The following DPH6 variants were observed in gnomAD, a reference collection of about 807,000 sequenced individuals.
DPH6 encodes diphthamine biosynthesis 6, also known as diphthine--ammonia ligase.
Under a neutral mutation model 38.2 loss-of-function variants are expected in DPH6, and 33 were observed. The ratio of observed to expected loss-of-function variants is 0.86; its 90% CI spans 0.65 to 1.15. The LOEUF is 1.15. DPH6 is among the 50% of genes most tolerant of loss of function. The pLI is 0.00. For synonymous variants in DPH6, 108 were observed against 103.0 expected (o/e 1.05, Z -0.30); for missense variants, 325 against 320.0 (o/e 1.02, Z -0.12).
intron 3 of DPH6, among the ~76,000 whole-genome samples, chr15:35,459,351 C>G (rs969149448): frequency 3.9e-5 from 6 of 152,132 alleles, no homozygotes; most frequent in African/African-American, 1.4e-4. Context: ...TACAAGGATA[C>G]TAATTCTATC....
chr15:35,200,670 G>C, the DPH6 span, among the ~76,000 whole-genome samples: 1 of 151,534 alleles, frequency 6.6e-6, no homozygotes, highest in African/African-American at 2.4e-5. Context: ...AGGAAGAAAA[G>C]GAAAGTCTTC....
chr15:35,324,675 A>G (rs1263732098), intron 3 of DPH6, among the ~76,000 whole-genome samples: 2 of 152,190 alleles, frequency 1.3e-5, no homozygotes, highest in Non-Finnish European at 2.9e-5. Flanking sequence ...GCTTATCCAT[A>G]AATATAAACC....
At chr15:35,382,036 G>A (rs1281911239) in intron 6 of DPH6, 120 bp from the exon 7 acceptor site, 4 of 711,010 alleles carry the variant, frequency 5.6e-6, no homozygotes, top group Non-Finnish European at 9.5e-6. Context: ...AGTTTGCAAG[G>A]TAAGGAAAAT....
chr15:35,538,389 G>A lies in DPH6; in HGVS notation c.197C>T (p.Ala66Val). 1 of 1,610,918 alleles carries A rather than the reference G, an allele frequency of 6.2e-7. No individual in the cohort carries two copies. Among genetic ancestry groups the A allele is most frequent in the South Asian group, 1.1e-5 (1 of 90,694 alleles). Residue 66 changes from alanine (A) to valine (V), a missense_variant, in exon 3 of 9, where the codon GCT (alanine) becomes GTT (valine). Coordinates refer to ENST00000256538, the MANE Select transcript of DPH6 (RefSeq NM_080650.4). ...HAIDLYAEAMALPLYRRTIRG... is the reference protein window; with the variant it reads ...HAIDLYAEAMVLPLYRRTIRG... Reference sequence around the variant, plus strand: ...TATGGTTCGGCGATAGAGGGGAAGAGCCATTGCTTCTGCATACAAGTCAAT... The same window carrying A: ...TATGGTTCGGCGATAGAGGGGAAGAACCATTGCTTCTGCATACAAGTCAAT...
the DPH6 span, among the ~76,000 whole-genome samples, chr15:35,202,556 G>A: frequency 1.3e-5 from 2 of 151,694 alleles, no homozygotes; most frequent in Non-Finnish European, 3.0e-5. Context: ...TATTACACCT[G>A]TAACATTGAC....
intron 3 of DPH6, chr15:35,489,479 C>T (rs543257170): frequency 1.0e-6 from 1 of 982,422 alleles, no homozygotes; most frequent in African/African-American, 1.7e-5. Context: ...GCATATTAGG[C>T]ATATAATAAA....
At chr15:35,520,694 C>T in intron 3 of DPH6, 3 of 984,968 alleles carry the variant, frequency 3.0e-6, no homozygotes, top group Non-Finnish European at 3.6e-6. Flanking sequence ...TGCTGAACCT[C>T]TGTAGAAACA....
At chr15:35,203,964 G>C in the DPH6 span, among the ~76,000 whole-genome samples, 13 of 151,520 alleles carry the variant, frequency 8.6e-5, no homozygotes, top group African/African-American at 2.9e-4. Flanking sequence ...TAAAAAGGAG[G>C]CCTGTTTTCA....
downstream of DPH6, among the ~76,000 whole-genome samples, chr15:35,330,234 A>G (rs2052317079): frequency 6.6e-6 from 1 of 152,168 alleles, no homozygotes. Context: ...CCAAATGTGA[A>G]GATTTTATGG....
chr15:35,364,774 G>GT (rs2052642902), intron 3 of DPH6, among the ~76,000 whole-genome samples: 1 of 151,626 alleles, frequency 6.6e-6, no homozygotes, highest in Non-Finnish European at 1.5e-5. Flanking sequence ...TTTGTTTGGG[G>GT]TTCATAAGAC....
intron 3 of DPH6, among the ~76,000 whole-genome samples, chr15:35,339,749 C>G (rs1179525668): frequency 6.6e-6 from 1 of 152,088 alleles, no homozygotes; most frequent in African/African-American, 2.4e-5. Context: ...GTTGGAGAGA[C>G]TGTTTTTTAT....
At chr15:35,253,605 G>A (rs1340452298) in intron 3 of DPH6, among the ~76,000 whole-genome samples, 2 of 152,168 alleles carry the variant, frequency 1.3e-5, no homozygotes, top group Admixed American at 1.3e-4. Context: ...TAAGTAATAC[G>A]CTAGTCACTT....
the DPH6 span, among the ~76,000 whole-genome samples, chr15:35,186,051 A>C: frequency 6.6e-6 from 1 of 152,028 alleles, no homozygotes; most frequent in East Asian, 1.9e-4. Context: ...CACTCATTTT[A>C]TACAAAGGAA....
intron 3 of DPH6, among the ~76,000 whole-genome samples, chr15:35,464,602 T>G (rs2054106128): frequency 6.6e-6 from 1 of 152,152 alleles, no homozygotes; most frequent in Admixed American, 6.5e-5. Flanking sequence ...TATAAATAAT[T>G]TATCTGTCAA....
At chr15:35,180,399 A>ACACACG in the DPH6 span, among the ~76,000 whole-genome samples, 2 of 6,214 alleles carry the variant, frequency 3.2e-4, no homozygotes, top group African/African-American at 4.9e-4. Flanking sequence ...TAAAACACAC[A>ACACACG]CACACACACA....
the DPH6 span, among the ~76,000 whole-genome samples, chr15:35,196,380 A>G: frequency 6.6e-6 from 1 of 152,208 alleles, no homozygotes; most frequent in Non-Finnish European, 1.5e-5. Context: ...AGAGATGCTA[A>G]GCTTAATGAT....
Position 35,496,567 on chromosome 15 carries a change from A to AAAAAAAAAATATAT in DPH6, c.312+41706_312+41707insATATATTTTTTTTT. ...GAAAGTTCCATCTCAAAAAAAAAAAAATATATATATATATATATATATATC... is the reference window on the plus strand; with the variant it reads ...GAAAGTTCCATCTCAAAAAAAAAAAAAAAAAAAAATATATATATATATATATATATATATATATC... On this transcript the variant is annotated intron_variant, in intron 3 of 8. Coordinates refer to ENST00000256538, the MANE Select transcript of DPH6 (RefSeq NM_080650.4). Among the ~76,000 whole-genome samples the AAAAAAAAAATATAT allele has an allele frequency of 6.4e-5, 2 of 31,014 alleles. 1 individual carries two copies. The highest frequency in any genetic ancestry group is 2.7e-4 in the African/African-American group (2 of 7,294). The allele number at this position is 31,014 out of a possible 152,430, so 20.3% of individuals were successfully genotyped here.
At chr15:35,374,371 T>C (rs1056214014) in intron 7 of DPH6, among the ~76,000 whole-genome samples, 1 of 152,132 alleles carries the variant, frequency 6.6e-6, no homozygotes, top group African/African-American at 2.4e-5. Context: ...ACTTCTATTG[T>C]TTATATTAAT....
intron 3 of DPH6, chr15:35,237,256 T>G (rs549410410): frequency 6.7e-5 from 93 of 1,383,698 alleles, no homozygotes; most frequent in Non-Finnish European, 9.2e-5. Context: ...GCCTTGAAAG[T>G]GCTAAAACGC....
Sources: gnomAD v4.1 joint callset for allele counts (sites outside exome capture counted in the v4.1 genomes callset) on GRCh38, gnomAD v4.1.1 for gene constraint, MANE v1.5 for transcripts, NCBI Gene and HGNC (gene_info 2026-07-23, HGNC 2026-07-21) for gene names.